The following ASIC2 variants were observed in gnomAD, a reference collection of about 807,000 sequenced individuals.
ASIC2 encodes acid sensing ion channel subunit 2.
ASIC2 carries 25 observed loss-of-function variants against 57.3 expected under a neutral mutation model. The observed-to-expected ratio is 0.44, with a 90% CI of 0.32 to 0.61. The LOEUF (loss-of-function observed/expected upper bound fraction) is 0.61. ASIC2 is among the 20% of genes least tolerant of loss of function. The probability of loss-of-function intolerance (pLI) is 0.06; values close to 1 mark genes in which losing one functional copy is unlikely to be tolerated. For synonymous variants in ASIC2, 319 were observed against 307.5 expected, an observed-to-expected ratio of 1.04 and a Z score of -0.39; for missense variants, 641 against 738.1, an observed-to-expected ratio of 0.87 and a Z score of 1.52.
intron 1 of ASIC2, among the ~76,000 whole-genome samples, chr17:33,757,034 A>C (rs577799776): frequency 1.3e-5 from 2 of 152,340 alleles, no homozygotes; most frequent in South Asian, 4.1e-4. Context: ...TGGCCACCTC[A>C]GTCCAATCTC....
intron 1 of ASIC2, among the ~76,000 whole-genome samples, chr17:33,200,911 G>T (rs1906832332): frequency 6.6e-6 from 1 of 152,060 alleles, no homozygotes; most frequent in Admixed American, 6.6e-5. Flanking sequence ...CACCTCCACT[G>T]TTCTTTGGGA....
At chr17:33,919,006 G>A (rs1395157252) in intron 1 of ASIC2, among the ~76,000 whole-genome samples, 1 of 152,206 alleles carries the variant, frequency 6.6e-6, no homozygotes, top group Admixed American at 6.5e-5. Context: ...ATGACCTGGG[G>A]TGAAGGATTG....
intron 1 of ASIC2, among the ~76,000 whole-genome samples, chr17:33,883,392 C>T (rs762114705): frequency 1.3e-5 from 2 of 152,168 alleles, no homozygotes; most frequent in Non-Finnish European, 2.9e-5. Context: ...GAACTTGTAT[C>T]CAGGAAGAAG....
chr17:33,669,579 C>T (rs1042668207), intron 1 of ASIC2, among the ~76,000 whole-genome samples: 134 of 152,308 alleles, frequency 8.8e-4, no homozygotes, highest in African/African-American at 3.0e-3. Flanking sequence ...TCTGAGGTCT[C>T]TCTAGCTACA....
chr17:34,037,731 A>C (rs1404937537), intron 1 of ASIC2: 49 of 1,614,070 alleles, frequency 3.0e-5, no homozygotes, highest in Non-Finnish European at 3.4e-6. Flanking sequence ...TAGGGATCAC[A>C]GGCCAGCTGC....
At chr17:33,652,468 G>A (rs990868484) in intron 1 of ASIC2, among the ~76,000 whole-genome samples, 3 of 152,116 alleles carry the variant, frequency 2.0e-5, no homozygotes, top group African/African-American at 7.2e-5. Context: ...TAACTCTGTG[G>A]GCAGGTTCCA....
intron 1 of ASIC2, among the ~76,000 whole-genome samples, chr17:33,871,661 G>A (rs1484197339): frequency 1.3e-5 from 2 of 152,154 alleles, no homozygotes; most frequent in Admixed American, 6.5e-5. Flanking sequence ...TTAGTAAGGT[G>A]GGGACCTTTG....
intron 1 of ASIC2, among the ~76,000 whole-genome samples, chr17:33,717,532 C>T (rs1909259946): frequency 6.6e-6 from 1 of 152,178 alleles, no homozygotes; most frequent in African/African-American, 2.4e-5. Context: ...GCTGGCTCTA[C>T]TCTGGAAAGA....
At chr17:33,844,096 G>C (rs1014927714) in intron 1 of ASIC2, among the ~76,000 whole-genome samples, 2 of 110,074 alleles carry the variant, frequency 1.8e-5, no homozygotes, top group African/African-American at 2.9e-5. Context: ...ATAAGCTCTG[G>C]TGTATATGTA....
intron 1 of ASIC2, among the ~76,000 whole-genome samples, chr17:33,599,310 G>A (rs1003877707): frequency 6.6e-6 from 1 of 152,202 alleles, no homozygotes; most frequent in Non-Finnish European, 1.5e-5. Flanking sequence ...AACCCTGAAG[G>A]TTGGGGAGGC....
At chr17:33,632,724 A>G (rs992826263) in intron 1 of ASIC2, among the ~76,000 whole-genome samples, 3 of 152,130 alleles carry the variant, frequency 2.0e-5, no homozygotes, top group Non-Finnish European at 2.9e-5. Flanking sequence ...GAACCAGTGT[A>G]CCTGGCCTGG....
chr17:33,254,505 C>T, intron 1 of ASIC2, among the ~76,000 whole-genome samples: 1 of 152,142 alleles, frequency 6.6e-6, no homozygotes, highest in South Asian at 2.1e-4. Context: ...CTCATGCAGG[C>T]TTTGGATGCA....
chr17:33,251,116 G>C (rs983025625), intron 1 of ASIC2, among the ~76,000 whole-genome samples: 2 of 152,176 alleles, frequency 1.3e-5, no homozygotes, highest in African/African-American at 4.8e-5. Context: ...CTATCAGAGA[G>C]AGACAGACAG....
At chr17:33,289,492 C>T (rs1260042243) in intron 1 of ASIC2, among the ~76,000 whole-genome samples, 2 of 152,082 alleles carry the variant, frequency 1.3e-5, no homozygotes, top group African/African-American at 4.8e-5. Context: ...GACAGGATTC[C>T]TAGGAGTAGA....
At chr17:33,127,559 A>C (rs11652197) in intron 1 of ASIC2, among the ~76,000 whole-genome samples, 18,701 of 152,206 alleles carry the variant, frequency 0.12, 1,190 homozygotes, top group East Asian at 0.18. Flanking sequence ...CTCTACCCCC[A>C]AATTCAACTG....
intron 1 of ASIC2, among the ~76,000 whole-genome samples, chr17:33,600,857 C>G (rs1288303520): frequency 6.6e-6 from 1 of 152,070 alleles, no homozygotes; most frequent in Non-Finnish European, 1.5e-5. Context: ...CTGAAGAGGT[C>G]TCAGACAGAA....
chr17:34,143,541 A>G (rs1404159572), intron 1 of ASIC2, among the ~76,000 whole-genome samples: 1 of 152,194 alleles, frequency 6.6e-6, no homozygotes, highest in African/African-American at 2.4e-5. Context: ...TTTTGCATGC[A>G]TCTGGTTCCC....
At chr17:34,136,241 C>T (rs1424967299) in intron 1 of ASIC2, among the ~76,000 whole-genome samples, 4 of 152,194 alleles carry the variant, frequency 2.6e-5, no homozygotes, top group African/African-American at 9.7e-5. Context: ...CAGTATTTTA[C>T]CCCAAAATAC....
Position 33,381,184 on chromosome 17 carries a change from T to A in ASIC2, c.556-269117A>T, listed in dbSNP as rs530259795. ...CATCTCCAGCAGACATTAATGTTGT[T>A]CAGAGAGGATTTATTGGCTCTGAAA... On this transcript the variant is annotated intron_variant, in intron 1 of 9. Transcript: ENST00000359872. 1.2e-3 allele frequency among the ~76,000 whole-genome samples: 186 copies of A among 152,320 alleles called. 1 individual carries two copies. The highest frequency in any genetic ancestry group is 4.3e-3 in the African/African-American group (178 of 41,586).
Sources: gnomAD v4.1 joint callset for allele counts (sites outside exome capture counted in the v4.1 genomes callset) on GRCh38, gnomAD v4.1.1 for gene constraint, MANE v1.5 for transcripts, NCBI Gene and HGNC (gene_info 2026-07-23, HGNC 2026-07-21) for gene names.